Variants in CEP112 observed in about 807,000 individuals in gnomAD.
The protein encoded by CEP112 is centrosomal protein 112.
In CEP112, 127 loss-of-function variants were observed where a neutral mutation model predicts 153.0. The ratio of observed to expected loss-of-function variants is 0.83; its 90% CI spans 0.72 to 0.96. The LOEUF is 0.96. CEP112 is among the 40% of genes least tolerant of loss of function. The probability of loss-of-function intolerance (pLI) is 0.00; values close to 1 mark genes in which losing one functional copy is unlikely to be tolerated. For synonymous variants in CEP112, 358 were observed against 374.4 expected, an observed-to-expected ratio of 0.96 and a Z score of 0.51; for missense variants, 1,089 against 1,101.2, an observed-to-expected ratio of 0.99 and a Z score of 0.16.
chr17:65,921,215 T>A (rs982843755), intron 19 of CEP112, among the ~76,000 whole-genome samples: 1 of 152,130 alleles, frequency 6.6e-6, no homozygotes, highest in African/African-American at 2.4e-5. Context: ...GCCAGATATA[T>A]TACATCTACT....
intron 4 of CEP112, among the ~76,000 whole-genome samples, chr17:66,151,405 A>C (rs2071205477): frequency 2.6e-5 from 4 of 152,208 alleles, no homozygotes; most frequent in Admixed American, 2.6e-4. Flanking sequence ...TGTGCTAGGC[A>C]ACATCTAAGA....
chr17:65,930,257 G>T (rs1779619641), intron 18 of CEP112, among the ~76,000 whole-genome samples: 1 of 152,100 alleles, frequency 6.6e-6, no homozygotes, highest in South Asian at 2.1e-4. Flanking sequence ...TATGAAAAAT[G>T]CTTCTTTCAC....
At position 65,943,483 on chromosome 17, in the gene CEP112, G is replaced by A. The variant is rs138258117; in HGVS notation, c.1873-15794C>T. On this transcript the variant is annotated intron_variant, in intron 18 of 26. Coordinates refer to ENST00000535342, the MANE Select transcript of CEP112 (RefSeq NM_001199165.4). ...CTTCACTTATGAAGCTTAGTTGCCC[G>A]ATAAGAAATTCTGGGTTGGAAATTC... Among the ~76,000 whole-genome samples, 182 of 152,268 alleles carry A rather than the reference G, an allele frequency of 1.2e-3. 1 individual carries two copies. Among genetic ancestry groups the A allele is most frequent in the Non-Finnish European group, 2.1e-3 (143 of 68,024 alleles).
chr17:65,715,174 G>A (rs1272573457), intron 23 of CEP112, among the ~76,000 whole-genome samples: 3 of 152,130 alleles, frequency 2.0e-5, no homozygotes, highest in South Asian at 4.1e-4. Context: ...TTTAAGTCAG[G>A]AGTAATAAGG....
At chr17:65,636,203 A>G (rs1171490252) in intron 26 of CEP112, among the ~76,000 whole-genome samples, 2 of 152,232 alleles carry the variant, frequency 1.3e-5, no homozygotes, top group Non-Finnish European at 1.5e-5. Flanking sequence ...TTCAAAGCCA[A>G]ATAAGTAGTT....
At chr17:66,121,053 C>A (rs995399042) in intron 6 of CEP112, among the ~76,000 whole-genome samples, 1 of 151,850 alleles carries the variant, frequency 6.6e-6, no homozygotes, top group Admixed American at 6.6e-5. Flanking sequence ...CCGAGGCGGG[C>A]GGATCGCCTG....
At chr17:65,938,179 C>T (rs1403653806) in intron 18 of CEP112, among the ~76,000 whole-genome samples, 1 of 134,164 alleles carries the variant, frequency 7.5e-6, no homozygotes, top group Non-Finnish European at 1.6e-5. Flanking sequence ...GGATTAAGGG[C>T]GGGGCAAGAT....
intron 20 of CEP112, among the ~76,000 whole-genome samples, chr17:65,859,439 C>CA (rs57675567): frequency 0.012 from 1,111 of 93,612 alleles, 25 homozygotes; most frequent in African/African-American, 0.041. Context: ...GACTCCATCT[C>CA]AAAAAAAAAA....
At chr17:66,040,831 T>A (rs1313466256) in intron 12 of CEP112, among the ~76,000 whole-genome samples, 1 of 152,194 alleles carries the variant, frequency 6.6e-6, no homozygotes, top group African/African-American at 2.4e-5. Context: ...TCAAAAGGTA[T>A]TAATTTTAAT....
At chr17:65,669,149 C>T (rs1328454834) in intron 24 of CEP112, among the ~76,000 whole-genome samples, 1 of 152,200 alleles carries the variant, frequency 6.6e-6, no homozygotes, top group Non-Finnish European at 1.5e-5. Context: ...TCTCTCCTCA[C>T]TGAAATCACA....
At chr17:66,086,579 AT>A (rs563656788) in intron 8 of CEP112, among the ~76,000 whole-genome samples, 4 of 149,792 alleles carry the variant, frequency 2.7e-5, no homozygotes, top group Admixed American at 6.7e-5. Flanking sequence ...AATTTTTTGT[AT>A]TTTTTTTAGC....
Position 66,028,312 on chromosome 17 carries a change from C to T in CEP112, c.1596+1G>A, listed in dbSNP as rs1302567857. 5 of 1,553,610 alleles carry T rather than the reference C, an allele frequency of 3.2e-6. No homozygotes were observed. The highest frequency in any genetic ancestry group is 4.4e-6 in the Non-Finnish European group (5 of 1,133,804). On this transcript the variant is annotated splice_donor_variant, in intron 15 of 26. Coordinates refer to ENST00000535342, the MANE Select transcript of CEP112 (RefSeq NM_001199165.4). LOFTEE classifies it high-confidence loss of function. Reference sequence around the variant, plus strand: ...CTTCTGTGTAGAAATACAAGACTCACCCTTAGTTGTTGCTTTCTTTGAAGT... The same window carrying T: ...CTTCTGTGTAGAAATACAAGACTCATCCTTAGTTGTTGCTTTCTTTGAAGT...
Position 65,638,779 on chromosome 17 carries a change from C to A in CEP112, c.2800-1591G>T, listed in dbSNP as rs141605313. Reference sequence around the variant, plus strand: ...GCAGCTGCCAACTCTGAGGCCCTATCGCAGCTGGCAGCACTCTCTTTCTGG... The same window carrying A: ...GCAGCTGCCAACTCTGAGGCCCTATAGCAGCTGGCAGCACTCTCTTTCTGG... On this transcript the variant is annotated intron_variant, in intron 25 of 26. Transcript: ENST00000535342. Among the ~76,000 whole-genome samples, 137 of 152,232 alleles carry A rather than the reference C, an allele frequency of 9.0e-4. No homozygotes were observed. The East Asian group carries it at 0.024, about 27-fold the overall frequency.
intron 21 of CEP112, among the ~76,000 whole-genome samples, chr17:65,818,811 TAC>T (rs2056395817): frequency 6.6e-6 from 1 of 151,912 alleles, no homozygotes; most frequent in South Asian, 2.1e-4. Flanking sequence ...CACAAAACAA[TAC>T]AGTTTGTGAC....
chr17:65,880,558 T>C (rs957565281), intron 20 of CEP112, among the ~76,000 whole-genome samples: 1 of 152,236 alleles, frequency 6.6e-6, no homozygotes, highest in African/African-American at 2.4e-5. Context: ...CTATTTACTA[T>C]CAAAGACCTT....
intron 23 of CEP112, among the ~76,000 whole-genome samples, chr17:65,718,356 C>T (rs4488490): frequency 0.24 from 35,566 of 150,326 alleles, 5,500 homozygotes; most frequent in African/African-American, 0.44. Flanking sequence ...TGCAGTGAGC[C>T]GAGGTTGCAC....
At chr17:66,005,858 A>G (rs572307068) in intron 16 of CEP112, 89 bp from the exon 17 acceptor site, 3 of 1,093,762 alleles carry the variant, frequency 2.7e-6, no homozygotes, top group South Asian at 3.5e-5. Flanking sequence ...GTGATCACAA[A>G]TCCATTTTTA....
At chr17:65,906,700 GAA>G in intron 19 of CEP112, among the ~76,000 whole-genome samples, 1 of 152,072 alleles carries the variant, frequency 6.6e-6, no homozygotes, top group East Asian at 1.9e-4. Context: ...TACCGAGTAA[GAA>G]AGTTTTCTTT....
chr17:65,737,428 T>A (rs1194499123), intron 23 of CEP112, among the ~76,000 whole-genome samples: 1 of 152,174 alleles, frequency 6.6e-6, no homozygotes, highest in African/African-American at 2.4e-5. Context: ...GCAGCCTCAT[T>A]TTTTCCTCTT....
Sources: allele counts gnomAD v4.1 joint callset (sites outside exome capture counted in the v4.1 genomes callset), GRCh38; gene constraint gnomAD v4.1.1; transcripts MANE v1.5; gene names NCBI Gene and HGNC (gene_info 2026-07-23, HGNC 2026-07-21).